The following NRG1 variants were observed in gnomAD, a reference collection of about 807,000 sequenced individuals.
The protein encoded by NRG1 is neuregulin 1.
In NRG1, 18 loss-of-function variants were observed where a neutral mutation model predicts 63.8. That is an observed-to-expected ratio of 0.28 (90% confidence interval 0.19 to 0.42). The LOEUF (loss-of-function observed/expected upper bound fraction) is 0.42, where lower values mean the gene tolerates loss of function less well. Ranked by LOEUF, NRG1 falls within the 10% of genes least tolerant of loss-of-function variation. NRG1 has a pLI of 1.00. For missense variants in NRG1, 762 were observed against 814.7 expected, an observed-to-expected ratio of 0.94 and a Z score of 0.79; for synonymous variants, 302 against 301.3, an observed-to-expected ratio of 1.00 and a Z score of -0.02.
At chr8:32,556,208 G>T (rs546852960) in intron 1 of NRG1, among the ~76,000 whole-genome samples, 2 of 152,142 alleles carry the variant, frequency 1.3e-5, no homozygotes, top group Non-Finnish European at 2.9e-5. Flanking sequence ...TATTCTTTAA[G>T]TAATAATGAC....
intron 1 of NRG1, among the ~76,000 whole-genome samples, chr8:32,021,189 C>T (rs1816377514): frequency 6.6e-6 from 1 of 151,858 alleles, no homozygotes; most frequent in Non-Finnish European, 1.5e-5. Flanking sequence ...TTTGGTATTG[C>T]TACAAAAGAA....
intron 5 of NRG1, among the ~76,000 whole-genome samples, chr8:32,619,307 T>C (rs1847920413): frequency 6.6e-6 from 1 of 152,170 alleles, no homozygotes; most frequent in African/African-American, 2.4e-5. Context: ...GACAAAAGCA[T>C]GGCTCATGTG....
intron 1 of NRG1, among the ~76,000 whole-genome samples, chr8:32,581,320 G>T (rs1425948954): frequency 2.0e-5 from 3 of 152,154 alleles, no homozygotes; most frequent in African/African-American, 7.2e-5. Flanking sequence ...AATGTGTTTG[G>T]CTAGGAACAG....
At chr8:31,776,143 A>G (rs1323615241) in intron 1 of NRG1, among the ~76,000 whole-genome samples, 1 of 152,182 alleles carries the variant, frequency 6.6e-6, no homozygotes, top group African/African-American at 2.4e-5. Flanking sequence ...AGGTTTTGTC[A>G]TTTTGTGACA....
chr8:32,088,020 A>G (rs998464756), intron 1 of NRG1, among the ~76,000 whole-genome samples: 4 of 152,080 alleles, frequency 2.6e-5, no homozygotes, highest in Non-Finnish European at 5.9e-5. Context: ...CCTGCTCTCC[A>G]AGGTGGTATT....
intron 1 of NRG1, among the ~76,000 whole-genome samples, chr8:32,107,991 A>G (rs1479972997): frequency 1.3e-5 from 2 of 152,204 alleles, no homozygotes; most frequent in Non-Finnish European, 2.9e-5. Context: ...GATTGATGCC[A>G]TATCTAATAA....
chr8:31,659,420 T>A (rs1241157476), intron 1 of NRG1, among the ~76,000 whole-genome samples: 1 of 152,200 alleles, frequency 6.6e-6, no homozygotes, highest in East Asian at 1.9e-4. Flanking sequence ...CTGGGAACCA[T>A]GCAACCATGC....
chr8:32,627,907 A>C (rs1252787481), intron 5 of NRG1, among the ~76,000 whole-genome samples: 1 of 152,218 alleles, frequency 6.6e-6, no homozygotes, highest in Non-Finnish European at 1.5e-5. Context: ...AATGGGAATT[A>C]AGGTATATTA....
rs1003421130 is a variant in NRG1, at chr8:32,138,759, G to T, written c.38-457069G>T. 4.0e-5 allele frequency among the ~76,000 whole-genome samples: 6 copies of T among 151,836 alleles called. No individual in the cohort carries two copies. The East Asian group carries it at 1.2e-3, about 29-fold the overall frequency. On this transcript the variant is annotated intron_variant, in intron 1 of 10. Coordinates refer to the NRG1 transcript ENST00000519301. The stretch of plus-strand genomic sequence containing the variant: ...CTTGTATTTTTTTTAGTAGAAACAG[G>T]GTTTCACCATATTGGCCAGGCTGTT...
intron 5 of NRG1, among the ~76,000 whole-genome samples, chr8:32,649,300 T>C (rs1854461660): frequency 6.6e-6 from 1 of 152,110 alleles, no homozygotes; most frequent in Non-Finnish European, 1.5e-5. Flanking sequence ...TTGCAATAGC[T>C]TTAGAGTGGA....
chr8:32,577,930 C>G (rs1033562301), intron 1 of NRG1, among the ~76,000 whole-genome samples: 4 of 152,114 alleles, frequency 2.6e-5, no homozygotes, highest in Non-Finnish European at 4.4e-5. Flanking sequence ...AGCAAGAAAA[C>G]CAGCCACCAC....
At chr8:32,065,147 T>G (rs546942718) in intron 1 of NRG1, among the ~76,000 whole-genome samples, 1 of 151,438 alleles carries the variant, frequency 6.6e-6, no homozygotes, top group East Asian at 1.9e-4. Flanking sequence ...AAAAAAAAAG[T>G]GCTTGGGATG....
chr8:31,920,415 T>C (rs1389097107), intron 1 of NRG1, among the ~76,000 whole-genome samples: 1 of 152,184 alleles, frequency 6.6e-6, no homozygotes, highest in Admixed American at 6.6e-5. Flanking sequence ...AAATAATCAT[T>C]AATGCATGTA....
intron 1 of NRG1, among the ~76,000 whole-genome samples, chr8:32,131,716 C>G (rs1054525266): frequency 2.0e-5 from 3 of 151,990 alleles, no homozygotes; most frequent in Non-Finnish European, 2.9e-5. Flanking sequence ...TTGTCTTACT[C>G]CCATGGATAT....
chr8:32,189,883 A>G (rs115702382), intron 1 of NRG1, among the ~76,000 whole-genome samples: 3,111 of 152,276 alleles, frequency 0.02, 105 homozygotes, highest in African/African-American at 0.072. Flanking sequence ...TGGTTATAGA[A>G]GGATCTAGTA....
At chr8:32,281,072 C>T (rs963913461) in intron 1 of NRG1, among the ~76,000 whole-genome samples, 3 of 151,502 alleles carry the variant, frequency 2.0e-5, no homozygotes, top group African/African-American at 7.3e-5. Context: ...GTTCAGATGG[C>T]ACATGTGCAG....
intron 1 of NRG1, among the ~76,000 whole-genome samples, chr8:32,090,881 A>G (rs1413504013): frequency 2.0e-5 from 3 of 152,198 alleles, no homozygotes; most frequent in African/African-American, 7.2e-5. Context: ...TACCACGACC[A>G]TCATCATCAT....
chr8:32,433,564 A>G (rs1401815883), intron 1 of NRG1, among the ~76,000 whole-genome samples: 1 of 152,202 alleles, frequency 6.6e-6, no homozygotes, highest in Admixed American at 6.5e-5. Context: ...CAATTCCACA[A>G]AAGAGAATAA....
At chr8:32,689,297 CAAA>C (rs554538711) in intron 5 of NRG1, among the ~76,000 whole-genome samples, 1 of 119,064 alleles carries the variant, frequency 8.4e-6, no homozygotes, top group Non-Finnish European at 1.8e-5. Flanking sequence ...TAAGAGAAAT[CAAA>C]AAAAAAAAAA....
Sources: gnomAD v4.1 joint callset for allele counts (sites outside exome capture counted in the v4.1 genomes callset) on GRCh38, gnomAD v4.1.1 for gene constraint, MANE v1.5 for transcripts, NCBI Gene and HGNC (gene_info 2026-07-23, HGNC 2026-07-21) for gene names.